The following GFRA1 variants were observed in gnomAD, a reference collection of about 807,000 sequenced individuals.
GFRA1 encodes the protein GDNF family receptor alpha 1.
A neutral mutation model predicts 51.6 loss-of-function variants in GFRA1; 16 were observed. That is an observed-to-expected ratio of 0.31 (90% CI 0.21 to 0.47). The LOEUF (loss-of-function observed/expected upper bound fraction) is 0.47. Among genes scored for constraint, GFRA1 ranks in the 20% least tolerant of loss-of-function variants. GFRA1 has a pLI of 1.00. For missense variants in GFRA1, 530 were observed against 594.3 expected, an observed-to-expected ratio of 0.89 and a Z score of 1.13; for synonymous variants, 270 against 241.3, an observed-to-expected ratio of 1.12 and a Z score of -1.10.
At chr10:116,135,774 CA>C (rs1958297325) in intron 5 of GFRA1, among the ~76,000 whole-genome samples, 1 of 152,094 alleles carries the variant, frequency 6.6e-6, no homozygotes, top group Non-Finnish European at 1.5e-5. Context: ...AGGACTCAAG[CA>C]AAACAGCTAA....
intron 9 of GFRA1, among the ~76,000 whole-genome samples, chr10:116,070,867 G>T (rs137931182): frequency 6.7e-6 from 1 of 149,328 alleles, no homozygotes; most frequent in East Asian, 2.0e-4. Context: ...CCAGCCTTTC[G>T]AAAACATCTG....
chr10:116,107,735 G>T (rs1038571433), intron 6 of GFRA1, among the ~76,000 whole-genome samples: 4 of 152,146 alleles, frequency 2.6e-5, no homozygotes, highest in Non-Finnish European at 5.9e-5. Context: ...AAGTATCACA[G>T]CATCTTGATG....
intron 6 of GFRA1, among the ~76,000 whole-genome samples, chr10:116,124,132 C>T (rs912003913): frequency 4.0e-5 from 6 of 151,346 alleles, no homozygotes; most frequent in African/African-American, 1.5e-4. Flanking sequence ...CTCGAACTCC[C>T]GACCTCAAGC....
At chr10:116,083,419 G>A (rs544659613) in intron 9 of GFRA1, among the ~76,000 whole-genome samples, 1 of 152,180 alleles carries the variant, frequency 6.6e-6, no homozygotes. Flanking sequence ...AAGATTAACG[G>A]GCCGCCAAAG....
At chr10:116,198,428 G>A (rs977698024) in intron 5 of GFRA1, among the ~76,000 whole-genome samples, 1 of 152,294 alleles carries the variant, frequency 6.6e-6, no homozygotes, top group Admixed American at 6.5e-5. Flanking sequence ...CCCACCCACG[G>A]CTGTTTAATA....
At chr10:116,186,502 G>T (rs982946494) in intron 5 of GFRA1, among the ~76,000 whole-genome samples, 1 of 147,812 alleles carries the variant, frequency 6.8e-6, no homozygotes, top group Non-Finnish European at 1.5e-5. Flanking sequence ...TTCCACATAT[G>T]TCTGGGACAT....
intron 3 of GFRA1, 112 bp downstream of exon 3, chr10:116,270,710 C>T (rs1159666189): frequency 1.8e-5 from 16 of 877,546 alleles, no homozygotes; most frequent in Non-Finnish European, 2.0e-5. Context: ...AAGGTCCTCA[C>T]TCTGCAGCTG....
intron 9 of GFRA1, among the ~76,000 whole-genome samples, chr10:116,069,479 C>T (rs1955274117): frequency 1.3e-5 from 2 of 152,088 alleles, no homozygotes; most frequent in Admixed American, 6.6e-5. Context: ...ACCAGGGAAA[C>T]CTGTTTTTTA....
intron 6 of GFRA1, among the ~76,000 whole-genome samples, chr10:116,110,336 G>A (rs1162927864): frequency 6.6e-6 from 1 of 152,098 alleles, no homozygotes; most frequent in Non-Finnish European, 1.5e-5. Context: ...TGCTGGTAGT[G>A]TCTGTGTTTT....
chr10:116,159,053 T>C (rs1301170530), intron 5 of GFRA1, among the ~76,000 whole-genome samples: 1 of 152,174 alleles, frequency 6.6e-6, no homozygotes, highest in Non-Finnish European at 1.5e-5. Context: ...TACAGCCACA[T>C]TTTTTTTAAA....
At chr10:116,091,920 T>C (rs1484173449) in intron 8 of GFRA1, among the ~76,000 whole-genome samples, 1 of 152,172 alleles carries the variant, frequency 6.6e-6, no homozygotes, top group Non-Finnish European at 1.5e-5. Flanking sequence ...TATTCTCTCC[T>C]TCACCAAAAA....
At chr10:116,073,343 T>C (rs183920540) in intron 9 of GFRA1, among the ~76,000 whole-genome samples, 3 of 152,288 alleles carry the variant, frequency 2.0e-5, no homozygotes, top group Admixed American at 2.0e-4. Flanking sequence ...CCTTACATCT[T>C]TTTTGCTTTT....
intron 5 of GFRA1, among the ~76,000 whole-genome samples, chr10:116,142,229 G>A (rs990832589): frequency 2.0e-5 from 3 of 152,272 alleles, no homozygotes; most frequent in Non-Finnish European, 4.4e-5. Flanking sequence ...TACACATCTC[G>A]GTATTTTGGT....
At chr10:116,270,098 G>A (rs992787378) in intron 3 of GFRA1, among the ~76,000 whole-genome samples, 1 of 152,180 alleles carries the variant, frequency 6.6e-6, no homozygotes, top group Admixed American at 6.5e-5. Flanking sequence ...TCTCCAGTGT[G>A]AGTCTCAGTC....
chr10:116,225,030 C>T (rs1184430466), intron 4 of GFRA1, among the ~76,000 whole-genome samples: 2 of 152,076 alleles, frequency 1.3e-5, no homozygotes, highest in Non-Finnish European at 2.9e-5. Context: ...ATCTCCTCTC[C>T]TCAGGGGGTC....
intron 4 of GFRA1, among the ~76,000 whole-genome samples, chr10:116,233,462 A>C (rs2134580956): frequency 6.6e-6 from 1 of 152,214 alleles, no homozygotes; most frequent in Admixed American, 6.5e-5. Context: ...CAGAGCAATC[A>C]AGTTTATGAT....
rs5788144 is a variant in GFRA1 at position 116,230,715 on chromosome 10, G to GACACAC, written c.419-19076_419-19071dup. Reference sequence around the variant, plus strand: ...TAAAGAAACTAGGCACATGTGGACAGACACACACACACACACACACACACA... The same window carrying GACACAC: ...TAAAGAAACTAGGCACATGTGGACAGACACACACACACACACACACACACACACACA... On this transcript the variant is annotated intron_variant, in intron 4 of 10. Coordinates refer to ENST00000355422, the MANE Select transcript of GFRA1 (RefSeq NM_005264.8). 4.0e-3 allele frequency among the ~76,000 whole-genome samples: 599 copies of GACACAC among 150,552 alleles called. 4 individuals carry two copies. Among genetic ancestry groups the GACACAC allele is most frequent in the East Asian group, 8.1e-3 (41 of 5,066 alleles).
chr10:116,208,717 T>C (rs547390765), intron 5 of GFRA1, among the ~76,000 whole-genome samples: 2 of 152,340 alleles, frequency 1.3e-5, no homozygotes, highest in East Asian at 3.9e-4. Context: ...TCAGTTTCTG[T>C]TCGATTTCAG....
chr10:116,227,829 T>C (rs1430501625), intron 4 of GFRA1, among the ~76,000 whole-genome samples: 1 of 152,228 alleles, frequency 6.6e-6, no homozygotes, highest in Non-Finnish European at 1.5e-5. Flanking sequence ...CCAAGTATCA[T>C]GCTTGTTGTG....
Sources: allele counts gnomAD v4.1 joint callset (sites outside exome capture counted in the v4.1 genomes callset), GRCh38; gene constraint gnomAD v4.1.1; transcripts MANE v1.5; gene names NCBI Gene and HGNC (gene_info 2026-07-23, HGNC 2026-07-21).